The following TPCN1 variants were observed in gnomAD, a reference collection of about 807,000 sequenced individuals.
TPCN1 encodes the protein two pore segment channel 1, also known as two pore channel protein 1.
In TPCN1, 52 loss-of-function variants were observed where a neutral mutation model predicts 108.8. That is an observed-to-expected ratio of 0.48 (90% CI 0.38 to 0.60). The LOEUF is 0.60. Among genes scored for constraint, TPCN1 ranks in the 20% least tolerant of loss-of-function variants. TPCN1 has a pLI of 0.00. For missense variants in TPCN1, 806 were observed against 1,072.8 expected (o/e 0.75, Z 3.47); for synonymous variants, 446 against 433.7 (o/e 1.03, Z -0.35).
At chr12:113,227,172 A>G (rs1953501911) in intron 2 of TPCN1, among the ~76,000 whole-genome samples, 1 of 152,176 alleles carries the variant, frequency 6.6e-6, no homozygotes, top group Admixed American at 6.5e-5. Context: ...CTGGGGGCCT[A>G]GCTGCCCCTC....
intron 7 of TPCN1, among the ~76,000 whole-genome samples, chr12:113,271,633 C>T (rs1393878834): frequency 6.6e-6 from 1 of 152,232 alleles, no homozygotes; most frequent in African/African-American, 2.4e-5. Flanking sequence ...TTCATTTTCA[C>T]TGGAGCGGAG....
chr12:113,271,652 C>G (rs1019424744), intron 7 of TPCN1, among the ~76,000 whole-genome samples: 1 of 152,206 alleles, frequency 6.6e-6, no homozygotes. Context: ...AGCAAGTATG[C>G]CAAAGCTTGT....
intron 2 of TPCN1, chr12:113,244,536 C>G (rs1345281147): frequency 1.0e-6 from 1 of 985,412 alleles, no homozygotes. Flanking sequence ...AGATTTTTAT[C>G]TGGGGGCCTT....
At chr12:113,245,224 G>T (rs1052460096) in intron 2 of TPCN1, among the ~76,000 whole-genome samples, 3 of 151,794 alleles carry the variant, frequency 2.0e-5, no homozygotes, top group Non-Finnish European at 4.4e-5. Context: ...AGCCATGATC[G>T]CACCACTGCA....
intron 10 of TPCN1, among the ~76,000 whole-genome samples, chr12:113,275,357 C>T (rs1424510638): frequency 6.6e-6 from 1 of 151,940 alleles, no homozygotes; most frequent in Non-Finnish European, 1.5e-5. Context: ...CCTGCCTCAG[C>T]CTCCCAAGTA....
At chr12:113,291,032 C>A in intron 23 of TPCN1, 34 bp downstream of exon 23, 1 of 1,609,534 alleles carries the variant, frequency 6.2e-7, no homozygotes, top group South Asian at 1.1e-5. Flanking sequence ...GGTATCTTCC[C>A]GCCAGCCCTG....
intron 2 of TPCN1, among the ~76,000 whole-genome samples, chr12:113,259,743 C>T (rs575497275): frequency 2.7e-4 from 41 of 152,178 alleles, no homozygotes; most frequent in Non-Finnish European, 4.8e-4. Flanking sequence ...GGGCTTATTG[C>T]CAGGCCCAGG....
chr12:113,258,053 A>G (rs779251621), intron 2 of TPCN1, among the ~76,000 whole-genome samples: 29 of 152,238 alleles, frequency 1.9e-4, no homozygotes, highest in Non-Finnish European at 3.8e-4. Context: ...GGTTATGGAT[A>G]TGTTATCTTG....
chr12:113,240,047 G>A (rs748997940), intron 2 of TPCN1, among the ~76,000 whole-genome samples: 1 of 152,008 alleles, frequency 6.6e-6, no homozygotes, highest in South Asian at 2.1e-4. Flanking sequence ...CTCTTCTTGC[G>A]GGCTCGGCTG....
intron 23 of TPCN1, 131 bp from the exon 24 acceptor site, chr12:113,291,478 C>T: frequency 1.3e-6 from 1 of 770,046 alleles, no homozygotes; most frequent in Non-Finnish European, 2.1e-6. Flanking sequence ...AGCTTCCTCT[C>T]CTCCATCTCT....
rs1243942227 is a variant in TPCN1, at chr12:113,266,379, C to CG, written c.414+29dup. ...TATGTGAGCGCACATGCTCCTCATA[C>CG]GGGGGGCTGGGAGCCACGGCTTTCA... On this transcript the variant is annotated intron_variant, in intron 4 of 27. Coordinates refer to ENST00000335509, the MANE Select transcript of TPCN1 (RefSeq NM_017901.6). This position sits in a 1 kb window ranked among gnomAD's most constrained non-coding sequence, Gnocchi z 4.2. 36 of 1,599,000 alleles carry CG rather than the reference C, an allele frequency of 2.3e-5. No homozygotes were observed. Among genetic ancestry groups the CG allele is most frequent in the Non-Finnish European group, 3.0e-5 (35 of 1,177,608 alleles).
At chr12:113,271,725 G>A (rs1268142249) in intron 7 of TPCN1, among the ~76,000 whole-genome samples, 1 of 152,226 alleles carries the variant, frequency 6.6e-6, no homozygotes, top group Non-Finnish European at 1.5e-5. Context: ...ACACTCCTGT[G>A]TGTTTCCCGG....
In TPCN1 at chr12:113,290,250, G is replaced by A. The variant is rs77829385; in HGVS notation, c.1912+7G>A. The A allele has an allele frequency of 8.9e-4, 1,393 of 1,568,212 alleles. 12 individuals carry two copies. In the African/African-American group the frequency reaches 0.016, roughly 18 times the overall value. ...AACATCCTCAACAGCTTTGGTGAGT[G>A]GGAAAAATCACAGGGGGCACATTCC... On this transcript the variant is annotated splice_region_variant and intron_variant, in intron 22 of 27. Transcript: ENST00000335509.
At position 113,288,678 on chromosome 12, in the gene TPCN1, C is replaced by T. The variant is rs1394332097; in HGVS notation, c.1707-80C>T. On this transcript the variant is annotated intron_variant, in intron 20 of 27. Coordinates refer to ENST00000335509, the MANE Select transcript of TPCN1 (RefSeq NM_017901.6). The surrounding 1 kb of genome is among the most constrained non-coding windows in gnomAD (Gnocchi z 4.8). ...GGGCATGGCCCTGCAGTCAGCCCCA[C>T]GGGTCCGAGGAGGCCGGGGCTGCAG... 66 of 1,582,286 alleles carry T rather than the reference C, an allele frequency of 4.2e-5. No homozygotes were observed. In the Middle Eastern group the frequency reaches 5.4e-4, roughly 13 times the overall value.
rs2232513 is a variant in TPCN1 at position 113,296,479 on chromosome 12, C to A, written c.*403C>A. ...CCCGACCTGATGGCGTGCCCGCCCC[C>A]TCTCCCTGCGGCCCATGCCACAGGT... On this transcript the variant is annotated 3_prime_UTR_variant, in exon 28 of 28. Transcript: ENST00000335509. The A allele has an allele frequency of 3.1e-3, 583 of 186,118 alleles. No homozygotes were observed. Among genetic ancestry groups the A allele is most frequent in the Non-Finnish European group, 5.1e-3 (459 of 89,832 alleles). The allele number at this position is 186,118 out of a possible 1,614,324, so 11.5% of individuals were successfully genotyped here.
At chr12:113,238,806 A>C (rs1282348540) in intron 2 of TPCN1, among the ~76,000 whole-genome samples, 1 of 152,180 alleles carries the variant, frequency 6.6e-6, no homozygotes, top group Non-Finnish European at 1.5e-5. Flanking sequence ...GGATTGTGAG[A>C]AAATGGAGTT....
intron 2 of TPCN1, among the ~76,000 whole-genome samples, chr12:113,255,603 G>A (rs1180150293): frequency 1.3e-5 from 2 of 150,960 alleles, no homozygotes; most frequent in Admixed American, 6.6e-5. Flanking sequence ...TCAGCTCACC[G>A]CAACCTCCAC....
chr12:113,281,089 G>A (rs1360387646), intron 15 of TPCN1, among the ~76,000 whole-genome samples: 9 of 151,496 alleles, frequency 5.9e-5, no homozygotes, highest in East Asian at 1.9e-4. Context: ...TCATTCTGTC[G>A]CCCAGGCTAG....
rs1298230299 is a variant in TPCN1 at position 113,272,902 on chromosome 12, T to G, written c.783+210T>G. On this transcript the variant is annotated intron_variant, in intron 8 of 27. Transcript: ENST00000335509. The surrounding 1 kb of genome is among the most constrained non-coding windows in gnomAD (Gnocchi z 4.1). Reference sequence around the variant, plus strand: ...AGCTGGGGATCCCCTTTTCTGTTCTTGAAAGGAGTGCCGCCAGGATCAGGT... The same window carrying G: ...AGCTGGGGATCCCCTTTTCTGTTCTGGAAAGGAGTGCCGCCAGGATCAGGT... Among the ~76,000 whole-genome samples the G allele has an allele frequency of 6.6e-6, 1 of 152,106 alleles. No individual in the cohort carries two copies. Among genetic ancestry groups the G allele is most frequent in the Non-Finnish European group, 1.5e-5 (1 of 68,008 alleles).
Sources: gnomAD v4.1 joint callset for allele counts (sites outside exome capture counted in the v4.1 genomes callset) on GRCh38, gnomAD v4.1.1 for gene constraint, Gnocchi (gnomAD v3.1) non-coding constraint, MANE v1.5 for transcripts, NCBI Gene and HGNC (gene_info 2026-07-23, HGNC 2026-07-21) for gene names.